The following CIB4 variants were observed in gnomAD, a reference collection of about 807,000 sequenced individuals.
CIB4 encodes calcium and integrin binding family member 4, also known as calcium and integrin-binding family member 4.
Under a neutral mutation model 25.8 loss-of-function variants are expected in CIB4, and 25 were observed. The observed-to-expected ratio is 0.97, with a 90% CI of 0.71 to 1.35. The LOEUF (loss-of-function observed/expected upper bound fraction) is 1.35, where lower values mean the gene tolerates loss of function less well. Among genes scored for constraint, CIB4 ranks in the 40% most tolerant of loss-of-function variants. The pLI is 0.00. For missense variants in CIB4, 235 were observed against 228.2 expected (o/e 1.03, Z -0.19); for synonymous variants, 75 against 81.4 (o/e 0.92, Z 0.42).
chr2:26,635,250 G>T (rs1465197109), intron 2 of CIB4, among the ~76,000 whole-genome samples: 1 of 152,220 alleles, frequency 6.6e-6, no homozygotes, highest in Non-Finnish European at 1.5e-5. Flanking sequence ...AACCAAAGCA[G>T]CCCTGGACTG....
At chr2:26,622,247 G>C (rs1178790446) in intron 3 of CIB4, among the ~76,000 whole-genome samples, 1 of 152,122 alleles carries the variant, frequency 6.6e-6, no homozygotes, top group East Asian at 1.9e-4. Context: ...TGTAATCCCA[G>C]CTACTTGGGA....
chr2:26,591,277 G>A (rs1309828237), intron 4 of CIB4, among the ~76,000 whole-genome samples: 1 of 152,202 alleles, frequency 6.6e-6, no homozygotes, highest in Non-Finnish European at 1.5e-5. Flanking sequence ...TCACTGGCTG[G>A]GTGAGAAAAC....
At chr2:26,636,628 G>A (rs1669537534) in intron 2 of CIB4, among the ~76,000 whole-genome samples, 1 of 152,054 alleles carries the variant, frequency 6.6e-6, no homozygotes, top group African/African-American at 2.4e-5. Context: ...TTTTTTCTTG[G>A]TTTACTCGCT....
At chr2:26,587,162 C>T (rs1353583853) in intron 4 of CIB4, among the ~76,000 whole-genome samples, 2 of 151,772 alleles carry the variant, frequency 1.3e-5, no homozygotes, top group South Asian at 2.1e-4. Context: ...AAAAATTAGC[C>T]GGGCGTAGTG....
intron 2 of CIB4, among the ~76,000 whole-genome samples, chr2:26,630,898 A>G (rs1254577802): frequency 6.6e-6 from 1 of 152,070 alleles, no homozygotes. Context: ...GCTGTGCACA[A>G]CCCACACCTA....
At chr2:26,631,770 G>T (rs1395910725) in intron 2 of CIB4, among the ~76,000 whole-genome samples, 2 of 152,180 alleles carry the variant, frequency 1.3e-5, no homozygotes, top group African/African-American at 4.8e-5. Flanking sequence ...TCTGGCTTAA[G>T]GGAAGCTCCA....
At chr2:26,611,599 A>G (rs1668997070) in intron 3 of CIB4, among the ~76,000 whole-genome samples, 1 of 152,222 alleles carries the variant, frequency 6.6e-6, no homozygotes, top group South Asian at 2.1e-4. Flanking sequence ...GGACAGTTCT[A>G]TCCATCTAAA....
intron 3 of CIB4, among the ~76,000 whole-genome samples, chr2:26,625,556 T>C (rs1055848812): frequency 7.9e-5 from 12 of 152,118 alleles, no homozygotes; most frequent in Non-Finnish European, 1.6e-4. Flanking sequence ...TTTTCCATGT[T>C]AATCAGGCTG....
intron 3 of CIB4, among the ~76,000 whole-genome samples, chr2:26,600,371 T>A (rs980214428): frequency 6.6e-6 from 1 of 152,164 alleles, no homozygotes; most frequent in Admixed American, 6.5e-5. Flanking sequence ...GCCACTGCAC[T>A]CCAGCTTGGG....
intron 2 of CIB4, among the ~76,000 whole-genome samples, chr2:26,638,401 G>T (rs1018940655): frequency 6.6e-6 from 1 of 152,152 alleles, no homozygotes; most frequent in Non-Finnish European, 1.5e-5. Context: ...CTCTTTCTCC[G>T]AAGGCCAAGG....
chr2:26,605,698 C>T (rs573987246), intron 3 of CIB4: 26 of 299,758 alleles, frequency 8.7e-5, no homozygotes, highest in Non-Finnish European at 1.8e-4. Flanking sequence ...CTACTGTGTG[C>T]AGGCTGTGAC....
intron 3 of CIB4, among the ~76,000 whole-genome samples, chr2:26,619,741 CG>C (rs1669166659): frequency 7.0e-6 from 1 of 143,420 alleles, no homozygotes; most frequent in African/African-American, 2.6e-5. Context: ...GACACCACCC[CG>C]ATCTCCATCC....
intron 4 of CIB4, among the ~76,000 whole-genome samples, chr2:26,588,967 GCCGCTTCTTC>G (rs1668507056): frequency 2.1e-5 from 1 of 46,622 alleles, no homozygotes; most frequent in Non-Finnish European, 4.6e-5. Context: ...TGCCGCTGCT[GCCGCTTCTTC>G]TTTCTTCTTC....
chr2:26,615,277 A>G (rs770611690), intron 3 of CIB4, among the ~76,000 whole-genome samples: 6 of 152,208 alleles, frequency 3.9e-5, no homozygotes, highest in African/African-American at 1.4e-4. Flanking sequence ...GCCCCCAGAC[A>G]GCATGAAACA....
intron 4 of CIB4, among the ~76,000 whole-genome samples, chr2:26,593,048 G>T (rs957528712): frequency 3.3e-5 from 5 of 152,172 alleles, no homozygotes; most frequent in Non-Finnish European, 4.4e-5. Context: ...ATTAGACATT[G>T]TTCCATCCAT....
intron 2 of CIB4, among the ~76,000 whole-genome samples, chr2:26,632,757 C>CAAAA (rs58312058): frequency 3.3e-5 from 4 of 120,136 alleles, no homozygotes; most frequent in African/African-American, 1.3e-4. Flanking sequence ...GACTCCATCT[C>CAAAA]AAAAAAAAAA....
intron 3 of CIB4, among the ~76,000 whole-genome samples, chr2:26,614,301 T>G (rs942943203): frequency 1.3e-5 from 2 of 152,190 alleles, no homozygotes; most frequent in African/African-American, 4.8e-5. Flanking sequence ...GTTTATCTTG[T>G]ACTCTGGGAG....
chr2:26,610,577 C>G (rs1333236161), intron 3 of CIB4, among the ~76,000 whole-genome samples: 1 of 152,206 alleles, frequency 6.6e-6, no homozygotes, highest in Admixed American at 6.5e-5. Flanking sequence ...AAGGGCTCTG[C>G]CAGCCAGCCA....
At chr2:26,589,855 T>C (rs953048195) in intron 4 of CIB4, among the ~76,000 whole-genome samples, 1 of 152,218 alleles carries the variant, frequency 6.6e-6, no homozygotes, top group Non-Finnish European at 1.5e-5. Context: ...AGCTGCACTT[T>C]GGACGTACTT....
Sources: allele counts gnomAD v4.1 joint callset (sites outside exome capture counted in the v4.1 genomes callset), GRCh38; gene constraint gnomAD v4.1.1; transcripts MANE v1.5; gene names NCBI Gene and HGNC (gene_info 2026-07-23, HGNC 2026-07-21).